PID1: variants seen among roughly 807,000 people sequenced by gnomAD.
PID1 encodes phosphotyrosine interaction domain containing 1.
A neutral mutation model predicts 19.1 loss-of-function variants in PID1; 10 were observed. The observed-to-expected ratio is 0.52, with a 90% CI of 0.32 to 0.89. The LOEUF is 0.89. Ranked by LOEUF, PID1 falls within the 40% of genes least tolerant of loss-of-function variation. PID1 has a pLI of 0.03. For missense variants in PID1, 248 were observed against 285.3 expected (o/e 0.87, Z 0.94); for synonymous variants, 130 against 116.0 (o/e 1.12, Z -0.78).
chr2:229,267,483 A>G (rs1293279257), intron 1 of PID1, among the ~76,000 whole-genome samples: 1 of 152,232 alleles, frequency 6.6e-6, no homozygotes, highest in Non-Finnish European at 1.5e-5. Context: ...AAACTTCACA[A>G]TTAGAATCTG....
chr2:229,029,616 C>T (rs916263098), intron 2 of PID1, among the ~76,000 whole-genome samples: 3 of 151,594 alleles, frequency 2.0e-5, no homozygotes, highest in Non-Finnish European at 2.9e-5. Flanking sequence ...GAGAGGCGGG[C>T]GGAACACGAG....
intron 2 of PID1, among the ~76,000 whole-genome samples, chr2:229,085,580 TC>T (rs2106214383): frequency 6.6e-6 from 1 of 152,302 alleles, no homozygotes; most frequent in African/African-American, 2.4e-5. Flanking sequence ...TGTAGAAACA[TC>T]AGTCAAAATG....
At chr2:229,233,214 T>C (rs933631362) in intron 1 of PID1, among the ~76,000 whole-genome samples, 4 of 152,228 alleles carry the variant, frequency 2.6e-5, no homozygotes, top group Non-Finnish European at 5.9e-5. Context: ...TTTCATAATA[T>C]AATATGAATT....
intron 1 of PID1, among the ~76,000 whole-genome samples, chr2:229,203,808 A>G (rs1339349527): frequency 6.6e-6 from 1 of 152,084 alleles, no homozygotes. Flanking sequence ...TTCTCCAAGC[A>G]TGGAGACTAA....
At chr2:229,103,479 A>G (rs1371136207) in intron 2 of PID1, among the ~76,000 whole-genome samples, 1 of 152,206 alleles carries the variant, frequency 6.6e-6, no homozygotes, top group African/African-American at 2.4e-5. Context: ...CACTGTGTGC[A>G]AGAAATAAAG....
At chr2:229,244,339 T>C (rs1195114906) in intron 1 of PID1, among the ~76,000 whole-genome samples, 1 of 152,120 alleles carries the variant, frequency 6.6e-6, no homozygotes. Context: ...CTGATTCTTA[T>C]CGTCATCCAA....
At chr2:229,086,859 A>C (rs1183419288) in intron 2 of PID1, among the ~76,000 whole-genome samples, 1 of 151,908 alleles carries the variant, frequency 6.6e-6, no homozygotes, top group Non-Finnish European at 1.5e-5. Flanking sequence ...ATCCGCATGC[A>C]CATAATATTC....
At chr2:229,117,335 C>T (rs1454042225) in intron 2 of PID1, among the ~76,000 whole-genome samples, 1 of 152,162 alleles carries the variant, frequency 6.6e-6, no homozygotes, top group Non-Finnish European at 1.5e-5. Context: ...AAATCTTCCT[C>T]TCCCTCCAGT....
intron 1 of PID1, among the ~76,000 whole-genome samples, chr2:229,168,949 G>A (rs533692202): frequency 2.0e-5 from 3 of 152,204 alleles, no homozygotes; most frequent in African/African-American, 4.8e-5. Context: ...AGTCTGGTTT[G>A]CTTAAAAGTA....
At chr2:229,094,712 T>C (rs138704592) in intron 2 of PID1, among the ~76,000 whole-genome samples, 40 of 152,082 alleles carry the variant, frequency 2.6e-4, no homozygotes, top group African/African-American at 8.9e-4. Flanking sequence ...TAAATGGTGA[T>C]GGAAAAACTG....
At chr2:229,100,922 T>C (rs10200706) in intron 2 of PID1, among the ~76,000 whole-genome samples, 67,643 of 152,098 alleles carry the variant, frequency 0.44, 15,900 homozygotes, top group Middle Eastern at 0.57. Context: ...GCCCTTTGTC[T>C]CTTAAAAAAC....
intron 1 of PID1, among the ~76,000 whole-genome samples, chr2:229,215,639 G>A (rs1279509025): frequency 1.3e-5 from 2 of 152,072 alleles, no homozygotes; most frequent in East Asian, 3.9e-4. Context: ...CCATGAAAAG[G>A]GTATGTATAG....
intron 2 of PID1, among the ~76,000 whole-genome samples, chr2:229,102,837 C>T (rs1010940734): frequency 6.6e-6 from 1 of 152,196 alleles, no homozygotes; most frequent in Non-Finnish European, 1.5e-5. Flanking sequence ...TTTCCACCTG[C>T]CATGCGGCTC....
chr2:229,113,671 T>C (rs1411956767), intron 2 of PID1, among the ~76,000 whole-genome samples: 1 of 150,744 alleles, frequency 6.6e-6, no homozygotes, highest in Non-Finnish European at 1.5e-5. Context: ...GGCTAACTAA[T>C]TGATGCAATA....
intron 2 of PID1, among the ~76,000 whole-genome samples, chr2:229,093,986 C>T (rs1027584512): frequency 6.6e-6 from 1 of 152,088 alleles, no homozygotes; most frequent in Admixed American, 6.5e-5. Flanking sequence ...AAATAAAAGG[C>T]ATCAAAACTG....
At chr2:229,117,317 TATC>T (rs1388040129) in intron 2 of PID1, among the ~76,000 whole-genome samples, 1 of 152,122 alleles carries the variant, frequency 6.6e-6, no homozygotes, top group Non-Finnish European at 1.5e-5. Context: ...TCTGGGGAGT[TATC>T]ATCAAAATCT....
At chr2:229,108,952 A>G (rs1559236697) in intron 2 of PID1, among the ~76,000 whole-genome samples, 3 of 152,234 alleles carry the variant, frequency 2.0e-5, no homozygotes, top group South Asian at 2.1e-4. Context: ...GGATACTTCT[A>G]AAAGGCAAAA....
chr2:229,258,523 C>T (rs1175680749), intron 1 of PID1, among the ~76,000 whole-genome samples: 1 of 152,102 alleles, frequency 6.6e-6, no homozygotes, highest in Non-Finnish European at 1.5e-5. Flanking sequence ...AGCACTATGC[C>T]TGGCAAATAA....
chr2:229,146,104 C>T (rs1690124114), intron 2 of PID1, among the ~76,000 whole-genome samples: 1 of 152,132 alleles, frequency 6.6e-6, no homozygotes, highest in East Asian at 1.9e-4. Context: ...GACATGAACT[C>T]ATTCTTTTTT....
Sources: allele counts gnomAD v4.1 joint callset (sites outside exome capture counted in the v4.1 genomes callset), GRCh38; gene constraint gnomAD v4.1.1; transcripts MANE v1.5; gene names NCBI Gene and HGNC (gene_info 2026-07-23, HGNC 2026-07-21).